The following RAD51B variants were observed in gnomAD, a reference collection of about 807,000 sequenced individuals.
The protein encoded by RAD51B is DNA repair protein RAD51 homolog 2.
Under a neutral mutation model 42.2 loss-of-function variants are expected in RAD51B, and 38 were observed. That is an observed-to-expected ratio of 0.90 (90% CI 0.70 to 1.18). RAD51B has a LOEUF of 1.18. Ranked by LOEUF, RAD51B falls within the 50% of genes most tolerant of loss-of-function variation. The pLI is 0.00. For missense variants in RAD51B, 373 were observed against 400.7 expected (o/e 0.93, Z 0.59); for synonymous variants, 154 against 145.2 (o/e 1.06, Z -0.43).
chr14:68,165,122 G>A (rs2078722761), intron 7 of RAD51B, among the ~76,000 whole-genome samples: 1 of 152,100 alleles, frequency 6.6e-6, no homozygotes, highest in African/African-American at 2.4e-5. Context: ...TTAATCGCAT[G>A]GTATTTTCAA....
intron 7 of RAD51B, among the ~76,000 whole-genome samples, chr14:68,079,660 T>C (rs1048258688): frequency 3.3e-5 from 5 of 152,232 alleles, no homozygotes; most frequent in African/African-American, 1.2e-4. Flanking sequence ...TCCAGTGTTA[T>C]CTGAATATTT....
downstream of RAD51B, among the ~76,000 whole-genome samples, chr14:68,598,565 G>A (rs771866364): frequency 2.1e-4 from 32 of 152,188 alleles, no homozygotes; most frequent in Non-Finnish European, 3.5e-4. Context: ...AGCATTCCTC[G>A]GTCTGGGGTA....
chr14:68,627,277 G>T (rs548636553), intron 10 of RAD51B: 2 of 152,312 alleles, frequency 1.3e-5, no homozygotes, highest in South Asian at 4.1e-4. Context: ...GGTCAAGGTT[G>T]GTAAGGGAGC....
intron 7 of RAD51B, among the ~76,000 whole-genome samples, chr14:68,005,023 C>T (rs2075557495): frequency 7.0e-6 from 1 of 142,144 alleles, no homozygotes; most frequent in East Asian, 2.0e-4. Flanking sequence ...ATCCATTCTA[C>T]CATTCTACTG....
chr14:67,908,993 C>T (rs1326474291), intron 7 of RAD51B: 1 of 152,144 alleles, frequency 6.6e-6, no homozygotes, highest in African/African-American at 2.4e-5. Flanking sequence ...ACAAGTTTTT[C>T]AGAGGCTTTG....
chr14:68,087,495 A>G (rs2077002532), intron 7 of RAD51B, among the ~76,000 whole-genome samples: 1 of 152,118 alleles, frequency 6.6e-6, no homozygotes, highest in Non-Finnish European at 1.5e-5. Context: ...TTATTATAGT[A>G]TTATGCTTAG....
At chr14:68,225,031 A>T (rs981389156) in intron 7 of RAD51B, among the ~76,000 whole-genome samples, 7 of 152,256 alleles carry the variant, frequency 4.6e-5, no homozygotes, top group Middle Eastern at 3.4e-3. Context: ...AATACATATT[A>T]AAAAATACAA....
chr14:68,432,333 CT>C, intron 9 of RAD51B, among the ~76,000 whole-genome samples: 1 of 152,240 alleles, frequency 6.6e-6, no homozygotes, highest in East Asian at 1.9e-4. Context: ...ATTGATCTGT[CT>C]AATGTTGACA....
At chr14:67,920,433 G>A (rs1423770652) in intron 7 of RAD51B, among the ~76,000 whole-genome samples, 1 of 151,924 alleles carries the variant, frequency 6.6e-6, no homozygotes, top group East Asian at 1.9e-4. Context: ...CATATAAAAT[G>A]TAGCAGTTTG....
intron 7 of RAD51B, among the ~76,000 whole-genome samples, chr14:68,211,297 G>A (rs2079701383): frequency 6.6e-6 from 1 of 152,136 alleles, no homozygotes; most frequent in Non-Finnish European, 1.5e-5. Context: ...CTTGCTCCCT[G>A]CCTGCAAGAA....
At chr14:68,616,444 T>C (rs1435369405), downstream of RAD51B, among the ~76,000 whole-genome samples, 1 of 152,178 alleles carries the variant, frequency 6.6e-6, no homozygotes, top group African/African-American at 2.4e-5. Flanking sequence ...TGATCAGAAG[T>C]CTGCAGTATT....
At chr14:68,664,291 C>T (rs183627590) in intron 11 of RAD51B, among the ~76,000 whole-genome samples, 9 of 152,160 alleles carry the variant, frequency 5.9e-5, no homozygotes, top group Non-Finnish European at 8.8e-5. Flanking sequence ...CCCCCAACCA[C>T]CAAGGATGAT....
At chr14:67,944,381 T>A (rs549661079) in intron 7 of RAD51B, among the ~76,000 whole-genome samples, 12 of 152,282 alleles carry the variant, frequency 7.9e-5, no homozygotes, top group Admixed American at 5.2e-4. Flanking sequence ...TTTTGTTTGT[T>A]TGTTTTAGCT....
intron 9 of RAD51B, among the ~76,000 whole-genome samples, chr14:68,444,847 G>A (rs2085386129): frequency 6.6e-6 from 1 of 152,170 alleles, no homozygotes; most frequent in South Asian, 2.1e-4. Flanking sequence ...TAATGAGACA[G>A]CAACCCAAAT....
intron 7 of RAD51B, among the ~76,000 whole-genome samples, chr14:67,888,787 A>G (rs1595064427): frequency 1.3e-5 from 2 of 152,160 alleles, no homozygotes; most frequent in South Asian, 2.1e-4. Flanking sequence ...TTATGTGCAA[A>G]CACTGCACCA....
At chr14:68,250,255 T>C (rs2080593698) in intron 7 of RAD51B, among the ~76,000 whole-genome samples, 1 of 152,248 alleles carries the variant, frequency 6.6e-6, no homozygotes, top group Non-Finnish European at 1.5e-5. Context: ...ATTTTTACAC[T>C]TCTCTAATTA....
At chr14:68,527,797 T>C (rs2140342474) in intron 10 of RAD51B, among the ~76,000 whole-genome samples, 1 of 152,338 alleles carries the variant, frequency 6.6e-6, no homozygotes, top group East Asian at 1.9e-4. Flanking sequence ...GTAGAATCAT[T>C]GAGCCAGAAA....
chr14:68,476,786 T>G (rs991801336), intron 10 of RAD51B, among the ~76,000 whole-genome samples: 2 of 152,276 alleles, frequency 1.3e-5, no homozygotes, highest in East Asian at 1.9e-4. Flanking sequence ...TAGAGGAGCT[T>G]TTGAAAAATC....
At chr14:68,306,722 G>A (rs188839262) in intron 8 of RAD51B, 11 of 458,042 alleles carry the variant, frequency 2.4e-5, no homozygotes, top group South Asian at 1.5e-4. Context: ...ACATGAGTTA[G>A]TAATGTTCTC....
Sources: allele counts gnomAD v4.1 joint callset (sites outside exome capture counted in the v4.1 genomes callset), GRCh38; gene constraint gnomAD v4.1.1; transcripts MANE v1.5; gene names NCBI Gene and HGNC (gene_info 2026-07-23, HGNC 2026-07-21).